Variants in PRKD1 observed in about 807,000 individuals in gnomAD.
PRKD1 encodes serine/threonine-protein kinase D1.
Under a neutral mutation model 95.9 loss-of-function variants are expected in PRKD1, and 63 were observed. The ratio of observed to expected loss-of-function variants is 0.66; its 90% CI spans 0.54 to 0.81. The LOEUF (loss-of-function observed/expected upper bound fraction) is 0.81. Among genes scored for constraint, PRKD1 ranks in the 30% least tolerant of loss-of-function variants. PRKD1 has a pLI of 0.00. For missense variants in PRKD1, 1,048 were observed against 1,165.3 expected, an observed-to-expected ratio of 0.90 and a Z score of 1.47; for synonymous variants, 425 against 423.1, an observed-to-expected ratio of 1.00 and a Z score of -0.05.
Position 29,638,836 on chromosome 14 carries a change from T to C in PRKD1, c.765A>G (p.Arg255=), listed in dbSNP as rs777136739. 1 of 1,612,908 alleles carries C rather than the reference T, an allele frequency of 6.2e-7. No homozygotes were observed. The highest frequency in any genetic ancestry group is 1.1e-5 in the South Asian group (1 of 91,062). ...TCAAAATCTTGTCAAGGTGAATTGG[T>C]CGTCCAATGTATGATTGAGAATTTG... The part of the protein sequence containing the change: ...KRSNSQSYIG[R]PIHLDKILMS... Residue 255 remains arginine, a synonymous_variant, in exon 5 of 18, where the codon CGA becomes CGG. Coordinates refer to ENST00000331968, the MANE Select transcript of PRKD1 (RefSeq NM_002742.3).
At chr14:29,832,624 T>C (rs1216629348) in intron 1 of PRKD1, among the ~76,000 whole-genome samples, 2 of 152,112 alleles carry the variant, frequency 1.3e-5, no homozygotes, top group African/African-American at 4.8e-5. Context: ...ACACCCTTAT[T>C]TGTAACCTCC....
intron 2 of PRKD1, among the ~76,000 whole-genome samples, chr14:29,715,276 A>C (rs906951391): frequency 3.3e-5 from 5 of 151,674 alleles, no homozygotes; most frequent in African/African-American, 1.2e-4. Flanking sequence ...CCCTCTTTGG[A>C]GTAAAATTTG....
chr14:29,874,766 T>G (rs985200371), intron 1 of PRKD1, among the ~76,000 whole-genome samples: 1 of 152,120 alleles, frequency 6.6e-6, no homozygotes, highest in Non-Finnish European at 1.5e-5. Flanking sequence ...ATGTTCTCAC[T>G]CATAAGAGTT....
At chr14:29,660,630 A>C (rs1050054695) in intron 4 of PRKD1, among the ~76,000 whole-genome samples, 10 of 152,180 alleles carry the variant, frequency 6.6e-5, no homozygotes, top group Admixed American at 3.3e-4. Flanking sequence ...AGATTATTAT[A>C]TTATAATAAC....
chr14:29,877,046 C>T (rs557261689), intron 1 of PRKD1, among the ~76,000 whole-genome samples: 5 of 151,984 alleles, frequency 3.3e-5, no homozygotes, highest in East Asian at 3.9e-4. Flanking sequence ...CAACTACTCG[C>T]GAGGCTTAGG....
At chr14:29,758,395 C>T (rs1887812837) in intron 1 of PRKD1, among the ~76,000 whole-genome samples, 3 of 152,152 alleles carry the variant, frequency 2.0e-5, no homozygotes, top group Admixed American at 2.0e-4. Flanking sequence ...ACTAAAACTT[C>T]CAGAGATGCC....
chr14:29,684,216 T>C (rs536005465), intron 2 of PRKD1, among the ~76,000 whole-genome samples: 65 of 149,488 alleles, frequency 4.3e-4, no homozygotes, highest in Middle Eastern at 3.4e-3. Context: ...AGTGGTACCA[T>C]CTCGGCTCAC....
chr14:29,894,546 T>G (rs1487806516), intron 1 of PRKD1, among the ~76,000 whole-genome samples: 1 of 152,234 alleles, frequency 6.6e-6, no homozygotes, highest in Admixed American at 6.5e-5. Flanking sequence ...TAATGAGACC[T>G]ACATTTGTAC....
chr14:29,748,997 T>C (rs985284997), intron 1 of PRKD1, among the ~76,000 whole-genome samples: 2 of 152,268 alleles, frequency 1.3e-5, no homozygotes, highest in African/African-American at 2.4e-5. Context: ...CACTCATAGA[T>C]AAAAGACTTG....
chr14:29,603,366 GC>G (rs369895626), intron 13 of PRKD1, among the ~76,000 whole-genome samples: 47 of 152,214 alleles, frequency 3.1e-4, no homozygotes, highest in African/African-American at 1.1e-3. Flanking sequence ...GAAACAAATG[GC>G]CAAACTTGTT....
At chr14:29,652,487 A>G (rs964136237) in intron 4 of PRKD1, among the ~76,000 whole-genome samples, 1 of 152,212 alleles carries the variant, frequency 6.6e-6, no homozygotes, top group African/African-American at 2.4e-5. Context: ...ACAGTAACTC[A>G]AAGCAGGCCT....
chr14:29,648,748 G>A (rs1409890522), intron 4 of PRKD1, among the ~76,000 whole-genome samples: 2 of 152,036 alleles, frequency 1.3e-5, no homozygotes, highest in Non-Finnish European at 2.9e-5. Context: ...TCTGCCTCCT[G>A]GGTTCATGCC....
chr14:29,891,874 C>T (rs1893948979), intron 1 of PRKD1, among the ~76,000 whole-genome samples: 1 of 152,040 alleles, frequency 6.6e-6, no homozygotes, highest in African/African-American at 2.4e-5. Context: ...ATGAAACACA[C>T]CAAAATAATC....
intron 2 of PRKD1, among the ~76,000 whole-genome samples, chr14:29,688,013 T>A (rs1037028606): frequency 5.3e-5 from 8 of 152,166 alleles, no homozygotes; most frequent in African/African-American, 1.9e-4. Flanking sequence ...GTCCAGGAAG[T>A]CAGAAGTCCA....
intron 1 of PRKD1, among the ~76,000 whole-genome samples, chr14:29,885,824 A>AAAAAAAAG (rs1893685555): frequency 6.7e-6 from 1 of 149,770 alleles, no homozygotes; most frequent in African/African-American, 2.5e-5. Flanking sequence ...AAAAAAAAAA[A>AAAAAAAAG]AAAAAATAGC....
intron 4 of PRKD1, among the ~76,000 whole-genome samples, chr14:29,647,579 T>A (rs1254499662): frequency 6.6e-6 from 1 of 152,152 alleles, no homozygotes; most frequent in Non-Finnish European, 1.5e-5. Flanking sequence ...TGGCCTGGGT[T>A]TATGGTCTCA....
chr14:29,666,406 C>T (rs1236206220), intron 2 of PRKD1, among the ~76,000 whole-genome samples, 198 bp from the exon 3 acceptor site: 1 of 151,850 alleles, frequency 6.6e-6, no homozygotes, highest in African/African-American at 2.4e-5. Flanking sequence ...GGCACAGCAA[C>T]CATCTCTCTT....
chr14:29,616,748 C>T (rs1878895013), intron 13 of PRKD1, among the ~76,000 whole-genome samples: 1 of 152,116 alleles, frequency 6.6e-6, no homozygotes. Context: ...CTCTTTTCTT[C>T]CCTTGAATTT....
chr14:29,664,767 T>C (rs1882388784), intron 3 of PRKD1, among the ~76,000 whole-genome samples: 1 of 152,204 alleles, frequency 6.6e-6, no homozygotes, highest in Non-Finnish European at 1.5e-5. Flanking sequence ...CATGGTGTCC[T>C]AGCACCTTGA....
Sources: gnomAD v4.1 joint callset for allele counts (sites outside exome capture counted in the v4.1 genomes callset) on GRCh38, gnomAD v4.1.1 for gene constraint, MANE v1.5 for transcripts, NCBI Gene and HGNC (gene_info 2026-07-23, HGNC 2026-07-21) for gene names.